TMEM131L: variants seen among roughly 807,000 people sequenced by gnomAD.
TMEM131L encodes transmembrane 131 like.
A neutral mutation model predicts 192.2 loss-of-function variants in TMEM131L; 54 were observed. The ratio of observed to expected loss-of-function variants is 0.28; its 90% CI spans 0.23 to 0.35. The LOEUF is 0.35. TMEM131L is among the 10% of genes least tolerant of loss of function. TMEM131L has a pLI of 1.00. For synonymous variants in TMEM131L, 701 were observed against 704.9 expected, an observed-to-expected ratio of 0.99 and a Z score of 0.09; for missense variants, 1,888 against 1,972.9, an observed-to-expected ratio of 0.96 and a Z score of 0.82.
intron 34 of TMEM131L, 74 bp from the exon 35 acceptor site, chr4:153,636,227 G>A (rs1415351273): frequency 1.6e-5 from 21 of 1,302,850 alleles, no homozygotes; most frequent in Non-Finnish European, 2.1e-5. Flanking sequence ...TGTAGTATTC[G>A]CTGATGTGTA....
At chr4:153,608,766 A>G (rs564922887) in intron 25 of TMEM131L, among the ~76,000 whole-genome samples, 33 of 152,316 alleles carry the variant, frequency 2.2e-4, no homozygotes, top group African/African-American at 7.9e-4. Flanking sequence ...TTGTGATTAG[A>G]TTTGAGACAG....
chr4:153,528,201 T>C (rs1735638397), intron 3 of TMEM131L, among the ~76,000 whole-genome samples: 1 of 152,220 alleles, frequency 6.6e-6, no homozygotes, highest in South Asian at 2.1e-4. Context: ...AGGTGGATTA[T>C]TTAGTCGTAA....
At chr4:153,504,764 A>G (rs1247651743) in intron 3 of TMEM131L, among the ~76,000 whole-genome samples, 2 of 152,202 alleles carry the variant, frequency 1.3e-5, no homozygotes, top group African/African-American at 4.8e-5. Context: ...CTTTTCCCAT[A>G]AACGAATGAA....
chr4:153,503,781 G>A (rs988685832), intron 3 of TMEM131L, among the ~76,000 whole-genome samples: 4 of 152,100 alleles, frequency 2.6e-5, no homozygotes, highest in African/African-American at 9.7e-5. Context: ...GGTTATAAAA[G>A]TACTCTAAAA....
chr4:153,575,548 C>G (rs1729876007), intron 7 of TMEM131L, among the ~76,000 whole-genome samples: 1 of 151,858 alleles, frequency 6.6e-6, no homozygotes, highest in African/African-American at 2.4e-5. Context: ...ACTACCTAGC[C>G]CCAAGATCTT....
chr4:153,488,044 G>T (rs1313629396), intron 3 of TMEM131L, among the ~76,000 whole-genome samples: 1 of 151,038 alleles, frequency 6.6e-6, no homozygotes, highest in African/African-American at 2.4e-5. Context: ...TGAGGGGTGT[G>T]TGTGTGTATG....
At chr4:153,522,582 T>A (rs2150157940) in intron 3 of TMEM131L, among the ~76,000 whole-genome samples, 1 of 152,312 alleles carries the variant, frequency 6.6e-6, no homozygotes, top group Non-Finnish European at 1.5e-5. Flanking sequence ...CCGAGCTCTC[T>A]CTTCTCGTTT....
intron 34 of TMEM131L, 94 bp downstream of exon 34, chr4:153,635,665 G>A: frequency 1.4e-6 from 2 of 1,430,860 alleles, no homozygotes; most frequent in Non-Finnish European, 1.9e-6. Flanking sequence ...CTTTAGCGTT[G>A]GGTTTGGACC....
chr4:153,506,360 G>A (rs547658234), intron 3 of TMEM131L, among the ~76,000 whole-genome samples: 1 of 152,310 alleles, frequency 6.6e-6, no homozygotes, highest in South Asian at 2.1e-4. Context: ...CAATGGAGCA[G>A]CATTTTGAAA....
chr4:153,622,512 C>T (rs909621174), intron 28 of TMEM131L, among the ~76,000 whole-genome samples: 1 of 152,162 alleles, frequency 6.6e-6, no homozygotes, highest in Non-Finnish European at 1.5e-5. Flanking sequence ...ATTCATGTAT[C>T]AATATTTTGA....
chr4:153,519,771 G>T (rs1261979603), intron 3 of TMEM131L, among the ~76,000 whole-genome samples: 1 of 152,186 alleles, frequency 6.6e-6, no homozygotes, highest in Non-Finnish European at 1.5e-5. Flanking sequence ...GCATTTCTAG[G>T]AAGATGGCTT....
At chr4:153,557,924 C>G (rs1728587862) in intron 6 of TMEM131L, among the ~76,000 whole-genome samples, 5 of 152,172 alleles carry the variant, frequency 3.3e-5, no homozygotes, top group Admixed American at 3.3e-4. Flanking sequence ...AGCCTCCCAC[C>G]ACTGCCTGGC....
intron 3 of TMEM131L, among the ~76,000 whole-genome samples, chr4:153,541,762 C>G (rs1736795304): frequency 6.6e-6 from 1 of 152,206 alleles, no homozygotes; most frequent in Admixed American, 6.5e-5. Context: ...GGCCCAGAAA[C>G]CAAGCCGGCA....
rs548181549 is a variant in TMEM131L at position 153,602,863 on chromosome 4, A to G, written c.2639+136A>G. On this transcript the variant is annotated intron_variant, in intron 23 of 34. Coordinates refer to ENST00000409959, the MANE Select transcript of TMEM131L (RefSeq NM_001131007.2). ...AATTGTTACTGCTTCAAGAACTGTGACATCCATGAAGTATTCACTGGTACA... is the reference window on the plus strand; with the variant it reads ...AATTGTTACTGCTTCAAGAACTGTGGCATCCATGAAGTATTCACTGGTACA... 290 of 778,448 alleles carry G rather than the reference A, an allele frequency of 3.7e-4. 9 individuals carry two copies. The South Asian group carries it at 4.7e-3, about 12-fold the overall frequency. The allele number at this position is 778,448 out of a possible 1,614,324, so 48.2% of individuals were successfully genotyped here.
chr4:153,612,227 A>G (rs757041781), intron 25 of TMEM131L, 25 bp from the exon 26 acceptor site: 3 of 1,494,898 alleles, frequency 2.0e-6, no homozygotes, highest in Admixed American at 2.5e-5. Context: ...TTAGCTAGAA[A>G]TTGAATTGTT....
At chr4:153,513,290 A>G (rs1401199372) in intron 3 of TMEM131L, among the ~76,000 whole-genome samples, 3 of 152,218 alleles carry the variant, frequency 2.0e-5, no homozygotes, top group Non-Finnish European at 4.4e-5. Flanking sequence ...AGGCTTGACT[A>G]TGTAAGAAGC....
intron 18 of TMEM131L, among the ~76,000 whole-genome samples, 185 bp downstream of exon 18, chr4:153,592,769 C>T (rs1460400575): frequency 6.6e-6 from 1 of 152,234 alleles, no homozygotes; most frequent in African/African-American, 2.4e-5. Flanking sequence ...CTACCTGGCT[C>T]TGTGTGTTAT....
intron 1 of TMEM131L, among the ~76,000 whole-genome samples, chr4:153,466,794 TGCGCCCC>T (rs1554017235): frequency 6.6e-6 from 1 of 152,086 alleles, no homozygotes; most frequent in Non-Finnish European, 1.5e-5. Flanking sequence ...CGCGGGCCCC[TGCGCCCC>T]GGGCGCAGCC....
At chr4:153,509,746 C>A (rs1734227277) in intron 3 of TMEM131L, among the ~76,000 whole-genome samples, 1 of 152,160 alleles carries the variant, frequency 6.6e-6, no homozygotes, top group Non-Finnish European at 1.5e-5. Flanking sequence ...CATTTTAATA[C>A]TTTCATATTA....
Sources: gnomAD v4.1 joint callset for allele counts (sites outside exome capture counted in the v4.1 genomes callset) on GRCh38, gnomAD v4.1.1 for gene constraint, MANE v1.5 for transcripts, NCBI Gene and HGNC (gene_info 2026-07-23, HGNC 2026-07-21) for gene names.